TFB1M: variants seen among roughly 807,000 people sequenced by gnomAD.
The protein encoded by TFB1M is transcription factor B1, mitochondrial.
Under a neutral mutation model 31.1 loss-of-function variants are expected in TFB1M, and 27 were observed. That is an observed-to-expected ratio of 0.87 (90% CI 0.64 to 1.20). The LOEUF is 1.20. Among genes scored for constraint, TFB1M ranks in the 50% most tolerant of loss-of-function variants. TFB1M has a pLI of 0.00. For synonymous variants in TFB1M, 166 were observed against 151.8 expected, an observed-to-expected ratio of 1.09 and a Z score of -0.69; for missense variants, 394 against 418.7, an observed-to-expected ratio of 0.94 and a Z score of 0.51.
At chr6:155,311,140 T>C (rs1011809811) in intron 2 of TFB1M, 48 bp downstream of exon 2, 1 of 1,609,136 alleles carries the variant, frequency 6.2e-7, no homozygotes, top group Admixed American at 1.7e-5. Context: ...GGCATAAAGA[T>C]TTAAATTCAG....
chr6:155,282,873 G>A (rs932134315), intron 5 of TFB1M, among the ~76,000 whole-genome samples: 2 of 151,782 alleles, frequency 1.3e-5, no homozygotes, highest in African/African-American at 4.8e-5. Flanking sequence ...GACTTGAGGC[G>A]CCCACCACCA....
intron 1 of TFB1M, 57 bp downstream of exon 1, chr6:155,314,239 G>A: frequency 3.1e-6 from 5 of 1,601,404 alleles, no homozygotes; most frequent in East Asian, 2.3e-5. Context: ...AGACCCCCCG[G>A]CCCACGCCCC....
At chr6:155,272,630 C>A (rs936622890) in intron 5 of TFB1M, among the ~76,000 whole-genome samples, 1 of 151,920 alleles carries the variant, frequency 6.6e-6, no homozygotes, top group Non-Finnish European at 1.5e-5. Flanking sequence ...GAGGGTAAAG[C>A]GCAATGCAGC....
chr6:155,276,107 A>G (rs1009963769), intron 5 of TFB1M: 2 of 1,614,034 alleles, frequency 1.2e-6, no homozygotes, highest in African/African-American at 1.3e-5. Context: ...GTCTGCAGGA[A>G]TCTCTAGTTT....
intron 2 of TFB1M, among the ~76,000 whole-genome samples, chr6:155,307,752 T>C (rs1777846919): frequency 6.6e-6 from 1 of 152,118 alleles, no homozygotes; most frequent in Admixed American, 6.6e-5. Context: ...GAAGAAGAAC[T>C]GTCCTGGGCC....
intron 2 of TFB1M, among the ~76,000 whole-genome samples, chr6:155,298,941 CA>C (rs1267498482): frequency 2.0e-5 from 3 of 151,784 alleles, no homozygotes; most frequent in Non-Finnish European, 4.4e-5. Context: ...TCATGAAATA[CA>C]GAGAATTAAT....
chr6:155,285,735 C>T (rs1317593296), intron 4 of TFB1M, among the ~76,000 whole-genome samples: 8 of 152,148 alleles, frequency 5.3e-5, no homozygotes, highest in African/African-American at 1.2e-4. Flanking sequence ...TATAGTAAAA[C>T]CTTGAGTATT....
Position 155,256,780 on chromosome 6 carries a change from G to A in TFB1M, c.*1056C>T, listed in dbSNP as rs767085875. 7.4e-6 allele frequency: 12 copies of A among 1,614,082 alleles called. No homozygotes were observed. In the East Asian group the frequency reaches 8.9e-5, roughly 12 times the overall value. ...GCAGGGCAGCCCTACTAAAGACATC[G>A]AAATTCAGTTCCAGAGACTGAGGAT... On this transcript the variant is annotated 3_prime_UTR_variant, in exon 7 of 7. Coordinates refer to ENST00000367166, the MANE Select transcript of TFB1M (RefSeq NM_016020.4).
chr6:155,281,538 A>G (rs1785498658), intron 5 of TFB1M, among the ~76,000 whole-genome samples: 1 of 152,058 alleles, frequency 6.6e-6, no homozygotes, highest in African/African-American at 2.4e-5. Flanking sequence ...CTTGGCCAAC[A>G]TGGTGAAACC....
chr6:155,306,204 T>A (rs1397376132), intron 2 of TFB1M, among the ~76,000 whole-genome samples: 3 of 152,138 alleles, frequency 2.0e-5, no homozygotes, highest in African/African-American at 7.2e-5. Flanking sequence ...CCATACCAAG[T>A]CTGAGCAAGC....
At chr6:155,248,138 C>A in the TFB1M span, 47 of 1,614,034 alleles carry the variant, frequency 2.9e-5, no homozygotes, top group South Asian at 5.0e-4. Flanking sequence ...GAGCTGGTGT[C>A]CCTGACGGAC....
chr6:155,311,940 G>GCTT (rs1778032574), intron 1 of TFB1M, among the ~76,000 whole-genome samples: 1 of 152,106 alleles, frequency 6.6e-6, no homozygotes, highest in South Asian at 2.1e-4. Flanking sequence ...GGTTTTTAAA[G>GCTT]CTTTGCACAC....
intron 2 of TFB1M, 42 bp from the exon 3 acceptor site, chr6:155,298,627 T>G: frequency 7.5e-7 from 1 of 1,340,194 alleles, no homozygotes; most frequent in Non-Finnish European, 1.1e-6. Flanking sequence ...CATATACTTA[T>G]GCGAGTAACA....
intron 2 of TFB1M, among the ~76,000 whole-genome samples, chr6:155,299,197 G>C (rs1405700976): frequency 6.6e-6 from 1 of 151,796 alleles, no homozygotes; most frequent in Non-Finnish European, 1.5e-5. Flanking sequence ...AATTACCCTG[G>C]ATGTTTAACA....
chr6:155,271,372 C>A (rs1235114622), intron 5 of TFB1M, among the ~76,000 whole-genome samples: 2 of 152,118 alleles, frequency 1.3e-5, no homozygotes, highest in Non-Finnish European at 2.9e-5. Flanking sequence ...CTCATCACAT[C>A]ATTTTGGGTA....
chr6:155,235,333 C>T, the TFB1M span, among the ~76,000 whole-genome samples: 2 of 152,216 alleles, frequency 1.3e-5, no homozygotes, highest in African/African-American at 2.4e-5. Flanking sequence ...GACTTAGAAT[C>T]GAGACTTGCC....
rs199938641 is a variant in TFB1M, at chr6:155,256,678, G to C, written c.*1158C>G. On this transcript the variant is annotated 3_prime_UTR_variant, in exon 7 of 7. Coordinates refer to ENST00000367166, the MANE Select transcript of TFB1M (RefSeq NM_016020.4). ...CGGGAAATACCCACACCCCGGCTTGGCAGATTTTGCCGACAATCTCATCAA... is the reference window on the plus strand; with the variant it reads ...CGGGAAATACCCACACCCCGGCTTGCCAGATTTTGCCGACAATCTCATCAA... 9 of 1,614,166 alleles carry C rather than the reference G, an allele frequency of 5.6e-6. No homozygotes were observed. In the East Asian group the frequency reaches 2.0e-4, roughly 36 times the overall value.
chr6:155,250,808 C>A, the TFB1M span: 1 of 1,278,694 alleles, frequency 7.8e-7, no homozygotes, highest in Non-Finnish European at 1.1e-6. Flanking sequence ...ATTAAACCAG[C>A]TGTGCTTGCA....
chr6:155,254,030 G>T, downstream of TFB1M: 3 of 1,614,002 alleles, frequency 1.9e-6, 1 homozygote, highest in Non-Finnish European at 2.5e-6. Flanking sequence ...ATAGAAGGAC[G>T]GCCAGAAACC....
Sources: allele counts gnomAD v4.1 joint callset (sites outside exome capture counted in the v4.1 genomes callset), GRCh38; gene constraint gnomAD v4.1.1; transcripts MANE v1.5; gene names NCBI Gene and HGNC (gene_info 2026-07-23, HGNC 2026-07-21).